EEIG1: variants seen among roughly 807,000 people sequenced by gnomAD.
EEIG1 encodes the protein estrogen-induced osteoclastogenesis regulator 1, also known as early estrogen-induced gene 1 protein.
chr9:127,967,048 G>T, the EEIG1 span, among the ~76,000 whole-genome samples: 8 of 152,332 alleles, frequency 5.3e-5, no homozygotes, highest in African/African-American at 1.7e-4. Flanking sequence ...CCTTCACCTT[G>T]AGTCTCAATC....
At chr9:127,975,424 C>T in the EEIG1 span, among the ~76,000 whole-genome samples, 1 of 152,166 alleles carries the variant, frequency 6.6e-6, no homozygotes, top group Non-Finnish European at 1.5e-5. Context: ...CTGTCTGTTT[C>T]TTGGACAGTC....
chr9:127,953,566 C>T, the EEIG1 span: 1 of 1,613,944 alleles, frequency 6.2e-7, no homozygotes, highest in South Asian at 1.1e-5. Flanking sequence ...TTCACACAGC[C>T]CCTCTTACCT....
At chr9:127,976,752 C>G in the EEIG1 span, among the ~76,000 whole-genome samples, 1 of 152,204 alleles carries the variant, frequency 6.6e-6, no homozygotes, top group Non-Finnish European at 1.5e-5. This position sits in a 1 kb window ranked among gnomAD's most constrained non-coding sequence, Gnocchi z 4.1. Flanking sequence ...ATACTCCAGC[C>G]AGGACGGCAG....
chr9:127,957,648 A>G, the EEIG1 span, among the ~76,000 whole-genome samples: 1 of 152,270 alleles, frequency 6.6e-6, no homozygotes, highest in East Asian at 1.9e-4. Context: ...AATAGTCAAC[A>G]TAATCTTTAA....
At chr9:127,945,286 T>G in the EEIG1 span, 2 of 1,137,926 alleles carry the variant, frequency 1.8e-6, no homozygotes, top group Non-Finnish European at 2.5e-6. This position sits in a 1 kb window ranked among gnomAD's most constrained non-coding sequence, Gnocchi z 6.5. Flanking sequence ...ACGGTCCCTG[T>G]GTTATAGGTA....
chr9:127,977,186 G>A, the EEIG1 span, among the ~76,000 whole-genome samples: 5 of 152,312 alleles, frequency 3.3e-5, no homozygotes, highest in South Asian at 4.1e-4. Flanking sequence ...CCAGCTTTGC[G>A]AGAGCTCAGT....
At chr9:127,954,232 C>T in the EEIG1 span, among the ~76,000 whole-genome samples, 5 of 152,234 alleles carry the variant, frequency 3.3e-5, no homozygotes, top group South Asian at 2.1e-4. Flanking sequence ...GTGCTGCTCC[C>T]GCCACCTTGC....
chr9:127,944,200 G>C, the EEIG1 span: 1 of 254,190 alleles, frequency 3.9e-6, no homozygotes, highest in Non-Finnish European at 7.7e-6. Flanking sequence ...TTAGGGCCTA[G>C]TGCCTAGCTG....
the EEIG1 span, chr9:127,954,065 G>A: frequency 5.2e-6 from 5 of 959,930 alleles, no homozygotes; most frequent in East Asian, 1.3e-4. Context: ...CAAAATAGCT[G>A]TGTTTTCACC....
the EEIG1 span, among the ~76,000 whole-genome samples, chr9:127,969,499 G>A: frequency 1.3e-5 from 2 of 152,316 alleles, no homozygotes; most frequent in Admixed American, 1.3e-4. Context: ...ACTACGATGG[G>A]CACATAATAG....
chr9:127,975,928 A>T, the EEIG1 span, among the ~76,000 whole-genome samples: 1 of 152,210 alleles, frequency 6.6e-6, no homozygotes, highest in Non-Finnish European at 1.5e-5. Context: ...CTATGTGGAT[A>T]CATATGCCTG....
At chr9:127,978,481 C>G in the EEIG1 span, among the ~76,000 whole-genome samples, 209 of 152,220 alleles carry the variant, frequency 1.4e-3, 2 homozygotes, top group African/African-American at 4.8e-3. Flanking sequence ...AGCAGCGTGT[C>G]CCAGGCACTC....
the EEIG1 span, chr9:127,941,743 C>G: frequency 6.6e-6 from 1 of 152,160 alleles, no homozygotes; most frequent in African/African-American, 2.4e-5. Flanking sequence ...CCCGGCCCCC[C>G]AGCTGGGCCC....
At chr9:127,960,906 T>C in the EEIG1 span, among the ~76,000 whole-genome samples, 6 of 151,824 alleles carry the variant, frequency 4.0e-5, no homozygotes, top group Admixed American at 6.6e-5. Flanking sequence ...CAATCACCTA[T>C]TGGAAGCCAC....
chr9:127,942,816 C>T, the EEIG1 span: 1 of 290,598 alleles, frequency 3.4e-6, no homozygotes, highest in Non-Finnish European at 6.7e-6. Flanking sequence ...CCCCCTCAGC[C>T]ACAGGCATCT....
At chr9:127,972,212 T>G in the EEIG1 span, among the ~76,000 whole-genome samples, 2 of 152,114 alleles carry the variant, frequency 1.3e-5, no homozygotes, top group South Asian at 4.1e-4. This position sits in a 1 kb window ranked among gnomAD's most constrained non-coding sequence, Gnocchi z 4.3. Flanking sequence ...AGCATCTCCC[T>G]GTGGGGCAAG....
chr9:127,966,434 C>G, the EEIG1 span, among the ~76,000 whole-genome samples: 1 of 151,212 alleles, frequency 6.6e-6, no homozygotes, highest in Non-Finnish European at 1.5e-5. Flanking sequence ...ATAGCAAAAC[C>G]CCATCTCCGA....
the EEIG1 span, chr9:127,945,620 C>T: frequency 2.0e-5 from 32 of 1,566,284 alleles, no homozygotes; most frequent in Non-Finnish European, 2.8e-5. This position sits in a 1 kb window ranked among gnomAD's most constrained non-coding sequence, Gnocchi z 6.5. Context: ...AGGAGGAGGC[C>T]ACGGGGGCAG....
the EEIG1 span, among the ~76,000 whole-genome samples, chr9:127,960,711 CCTTTT>C: frequency 1.3e-5 from 2 of 152,152 alleles, no homozygotes; most frequent in African/African-American, 4.8e-5. Flanking sequence ...TTCTCCCTTT[CCTTTT>C]GAGAGTTTGC....
Sources: allele counts gnomAD v4.1 joint callset (sites outside exome capture counted in the v4.1 genomes callset), GRCh38; gene constraint gnomAD v4.1.1; non-coding constraint Gnocchi (gnomAD v3.1); transcripts MANE v1.5; gene names NCBI Gene and HGNC (gene_info 2026-07-23, HGNC 2026-07-21).